Variants in BACH2 observed in about 807,000 individuals in gnomAD.
The protein encoded by BACH2 is BACH transcriptional regulator 2.
BACH2 carries 5 observed loss-of-function variants against 61.8 expected under a neutral mutation model. The ratio of observed to expected loss-of-function variants is 0.08; its 90% CI spans 0.04 to 0.17. The LOEUF (loss-of-function observed/expected upper bound fraction) is 0.17. Among genes scored for constraint, BACH2 ranks in the 10% least tolerant of loss-of-function variants. The pLI, the probability that BACH2 is intolerant of heterozygous loss-of-function variation, is 1.00. For missense variants in BACH2, 824 were observed against 1,091.1 expected, an observed-to-expected ratio of 0.76 and a Z score of 3.45; for synonymous variants, 446 against 440.1, an observed-to-expected ratio of 1.01 and a Z score of -0.17.
At chr6:89,989,818 T>C (rs1020678221) in intron 6 of BACH2, among the ~76,000 whole-genome samples, 1 of 152,118 alleles carries the variant, frequency 6.6e-6, no homozygotes, top group Non-Finnish European at 1.5e-5. Flanking sequence ...GTAGGAATCT[T>C]GGAGGGAGAG....
At chr6:90,285,845 G>A (rs895514891) in intron 1 of BACH2, among the ~76,000 whole-genome samples, 12 of 152,222 alleles carry the variant, frequency 7.9e-5, no homozygotes, top group Admixed American at 6.5e-4. Context: ...GTAGGAAAGT[G>A]CTGACATGCT....
At chr6:90,195,985 T>C (rs1189817089) in intron 4 of BACH2, among the ~76,000 whole-genome samples, 2 of 152,220 alleles carry the variant, frequency 1.3e-5, no homozygotes, top group African/African-American at 4.8e-5. Context: ...ATTTAACTTA[T>C]TCCTACCTTG....
In BACH2 at chr6:89,951,749, G is replaced by A. The variant is rs1161511474; in HGVS notation, c.357C>T (p.His119=). The A allele has an allele frequency of 1.2e-6, 2 of 1,614,254 alleles. No homozygotes were observed. The highest frequency in any genetic ancestry group is 1.1e-5 in the South Asian group (1 of 91,084). ...VIRCAEFLRM[H]NLEDSCFSFL... is the part of the protein sequence containing the mutation. Reference sequence around the variant, plus strand: ...AGCTGAAGCAGGAGTCCTCCAGGTTGTGCATGCGCAGGAACTCAGCACAGC... The same window carrying A: ...AGCTGAAGCAGGAGTCCTCCAGGTTATGCATGCGCAGGAACTCAGCACAGC... Residue 119 remains histidine, a synonymous_variant, in exon 7 of 9, where the codon CAC becomes CAT. Transcript: ENST00000257749. The surrounding 1 kb of genome is among the most constrained non-coding windows in gnomAD (Gnocchi z 6.4).
intron 7 of BACH2, among the ~76,000 whole-genome samples, chr6:89,946,596 G>A (rs1023087597): frequency 2.0e-5 from 3 of 152,182 alleles, no homozygotes; most frequent in Non-Finnish European, 4.4e-5. Context: ...TACGATTTAC[G>A]AGAACGAGAG....
Position 89,932,541 on chromosome 6 carries a change from C to T in BACH2, c.2393G>A (p.Gly798Asp), listed in dbSNP as rs767049051. 2 of 1,614,062 alleles carry T rather than the reference C, an allele frequency of 1.2e-6. No homozygotes were observed. The highest frequency in any genetic ancestry group is 2.2e-5 in the East Asian group (1 of 44,876). Residue 798 changes from glycine (G) to aspartate (D), a missense_variant, in exon 9 of 9, where the codon GGC (glycine) becomes GAC (aspartate). Gly to Asp is a moderately conservative substitution (Grantham distance 94). Around this residue, in one of 8 missense-constraint regions of BACH2, gnomAD observed 135 missense variants for 142.7 expected, o/e 0.95. Transcript: ENST00000257749. ...CTCTGAGAAGGTTCCCGGGTCAGTG[C>T]CTTCTAGTCTCCTCCCAGAGGTACA... The part of the protein sequence containing the change: ...ENCTSGRRLE[G>D]TDPGTFSERG...
At chr6:90,150,813 A>G (rs1377734799) in intron 4 of BACH2, among the ~76,000 whole-genome samples, 5 of 152,158 alleles carry the variant, frequency 3.3e-5, no homozygotes. Flanking sequence ...GCCCTTGGGA[A>G]GCATAGCCTT....
rs755517655 is a variant in BACH2, at chr6:89,950,471, G to A, written c.1635C>T (p.Phe545=). 1.2e-6 allele frequency: 2 copies of A among 1,614,198 alleles called. No individual in the cohort carries two copies. Among genetic ancestry groups the A allele is most frequent in the Admixed American group, 1.7e-5 (1 of 60,026 alleles). The change falls in exon 7 of 9, where the codon TTC becomes TTT. Residue 545 remains phenylalanine, a synonymous_variant. Transcript: ENST00000257749. The surrounding 1 kb of genome is among the most constrained non-coding windows in gnomAD (Gnocchi z 5.3). ...GSPCSLPLCE[F]SSSPCSQGAR... is the part of the protein sequence containing the mutation. ...CTCCCTGGGAACAGGGCGAGGAGGA[G>A]AACTCACAGAGAGGGAGGCTGCAGG...
At chr6:90,069,108 A>C (rs368143556) in intron 5 of BACH2, among the ~76,000 whole-genome samples, 2 of 152,168 alleles carry the variant, frequency 1.3e-5, no homozygotes, top group East Asian at 3.8e-4. Flanking sequence ...TGAATGAGCC[A>C]CAGTTCCTGA....
intron 4 of BACH2, among the ~76,000 whole-genome samples, chr6:90,193,627 T>A (rs1768654301): frequency 6.6e-6 from 1 of 152,088 alleles, no homozygotes; most frequent in Admixed American, 6.5e-5. Flanking sequence ...GGCACCTGAG[T>A]TCAGGATTCC....
At chr6:89,936,233 A>C (rs1773014455) in intron 8 of BACH2, among the ~76,000 whole-genome samples, 1 of 152,202 alleles carries the variant, frequency 6.6e-6, no homozygotes, top group South Asian at 2.1e-4. Context: ...AGGTCAGATC[A>C]GGCTTCCACA....
intron 3 of BACH2, among the ~76,000 whole-genome samples, chr6:90,240,389 T>C (rs933630047): frequency 6.6e-6 from 1 of 152,188 alleles, no homozygotes. Flanking sequence ...AACTTAAATA[T>C]GAATTTTAAT....
At chr6:90,179,294 GTAACCT>G (rs1337759113) in intron 4 of BACH2, among the ~76,000 whole-genome samples, 1 of 151,984 alleles carries the variant, frequency 6.6e-6, no homozygotes, top group Non-Finnish European at 1.5e-5. Context: ...GACGAAACAA[GTAACCT>G]AAAACTAAAA....
chr6:90,102,197 A>G (rs930392870), intron 4 of BACH2, among the ~76,000 whole-genome samples: 10 of 152,082 alleles, frequency 6.6e-5, no homozygotes, highest in Non-Finnish European at 1.3e-4. Flanking sequence ...GCATTGGGTA[A>G]TGATCCTGCT....
chr6:90,255,005 A>G lies in BACH2; in HGVS notation c.-352-2415T>C, dbSNP rs193297388. Among the ~76,000 whole-genome samples, 4 of 152,316 alleles carry G rather than the reference A, an allele frequency of 2.6e-5. No individual in the cohort carries two copies. In the East Asian group the frequency reaches 7.7e-4, roughly 29 times the overall value. ...GGTTCTCAATCAATTGACTTTTTCA[A>G]CATCAGATGGGTGGCTGGAGCCTTC... On this transcript the variant is annotated intron_variant, in intron 2 of 8. Coordinates refer to ENST00000257749, the MANE Select transcript of BACH2 (RefSeq NM_021813.4).
chr6:90,251,149 T>C (rs548346863), intron 3 of BACH2, among the ~76,000 whole-genome samples: 1 of 143,674 alleles, frequency 7.0e-6, no homozygotes, highest in Admixed American at 7.0e-5. Flanking sequence ...CAAGGAATAA[T>C]AATCAACTTT....
intron 1 of BACH2, among the ~76,000 whole-genome samples, chr6:90,291,833 C>T (rs1772189446): frequency 6.6e-6 from 1 of 152,116 alleles, no homozygotes; most frequent in African/African-American, 2.4e-5. Context: ...CCATATGTGG[C>T]CCCAGCTCTG....
chr6:90,096,050 C>T (rs377485221), intron 4 of BACH2, among the ~76,000 whole-genome samples: 9 of 152,242 alleles, frequency 5.9e-5, no homozygotes, highest in East Asian at 1.9e-4. Flanking sequence ...CCTTCTTCTG[C>T]GAAGGAAACA....
At chr6:90,162,028 T>TG (rs1785208919) in intron 4 of BACH2, among the ~76,000 whole-genome samples, 1 of 152,144 alleles carries the variant, frequency 6.6e-6, no homozygotes, top group South Asian at 2.1e-4. Flanking sequence ...CTCTGAGCCC[T>TG]GAGCCGGACC....
At chr6:90,181,462 G>GT (rs1326545134) in intron 4 of BACH2, among the ~76,000 whole-genome samples, 109 of 147,466 alleles carry the variant, frequency 7.4e-4, no homozygotes, top group Admixed American at 3.8e-3. Context: ...AAAAGTTGTT[G>GT]TTTTTTTTTT....
Sources: gnomAD v4.1 joint callset for allele counts (sites outside exome capture counted in the v4.1 genomes callset) on GRCh38, gnomAD v4.1.1 for gene constraint, gnomAD v4.1.1 regional missense constraint, Gnocchi (gnomAD v3.1) non-coding constraint, MANE v1.5 for transcripts, NCBI Gene and HGNC (gene_info 2026-07-23, HGNC 2026-07-21) for gene names.